RAB3A: variants seen among roughly 807,000 people sequenced by gnomAD.
RAB3A encodes RAB3A, member RAS oncogene family, also known as ras-related protein Rab-3A.
In RAB3A, 5 loss-of-function variants were observed where a neutral mutation model predicts 19.7. The observed-to-expected ratio is 0.25, with a 90% CI of 0.13 to 0.53. The LOEUF (loss-of-function observed/expected upper bound fraction) is 0.53, where lower values mean the gene tolerates loss of function less well. RAB3A is among the 20% of genes least tolerant of loss of function. RAB3A has a pLI of 0.95. For missense variants in RAB3A, 189 were observed against 305.6 expected (o/e 0.62, Z 2.85); for synonymous variants, 119 against 122.1 (o/e 0.97, Z 0.17).
At position 18,202,941 on chromosome 19, in the gene RAB3A, G is replaced by A. The variant is rs946247912; in HGVS notation, c.1-201C>T. 1.2e-5 allele frequency: 7 copies of A among 564,588 alleles called. No homozygotes were observed. The highest frequency in any genetic ancestry group is 3.1e-5 in the Admixed American group (1 of 32,180). 35.0% of individuals were successfully genotyped at this position (564,588 alleles called of 1,614,324 possible). On this transcript the variant is annotated intron_variant, in intron 1 of 4. Coordinates refer to ENST00000222256, the MANE Select transcript of RAB3A (RefSeq NM_002866.5). This position sits in a 1 kb window ranked among gnomAD's most constrained non-coding sequence, Gnocchi z 4.2. ...ACCTTGAAATCCTGGGCGTTTCAGAGGAGGGGCTCAGAGGGTTGCCGATGG... is the reference window on the plus strand; with the variant it reads ...ACCTTGAAATCCTGGGCGTTTCAGAAGAGGGGCTCAGAGGGTTGCCGATGG...
At chr19:18,198,941 G>A (rs1044820227) in intron 3 of RAB3A, 92 bp from the exon 4 acceptor site, 4 of 1,485,058 alleles carry the variant, frequency 2.7e-6, no homozygotes, top group East Asian at 2.3e-5. Flanking sequence ...CTTGTCCGAG[G>A]AAGAAAGACC....
rs1967541142 is a variant in RAB3A, at chr19:18,197,213, G to A, written c.*257C>T. On this transcript the variant is annotated 3_prime_UTR_variant, in exon 5 of 5. Transcript: ENST00000222256. The stretch of plus-strand genomic sequence containing the variant: ...CAGGAGGGTGAGCGGTGAGTTCACG[G>A]GGCCACGAGACACCACAGCTGAGTG... The A allele has an allele frequency of 2.2e-6, 1 of 455,738 alleles. No homozygotes were observed. Among genetic ancestry groups the A allele is most frequent in the Non-Finnish European group, 3.9e-6 (1 of 259,320 alleles). The allele number at this position is 455,738 out of a possible 1,614,324, so 28.2% of individuals were successfully genotyped here. A position where few individuals can be genotyped will look rare whatever the true frequency, so the allele number is the denominator to read the frequency against.
chr19:18,201,263 A>AGAAAGAAAGAAAGAAAGAAAGAAAGAAAG (rs1555819265), intron 2 of RAB3A, among the ~76,000 whole-genome samples: 10 of 121,778 alleles, frequency 8.2e-5, no homozygotes, highest in Admixed American at 8.0e-4. Context: ...AAAAAAAAAA[A>AGAAAGAAAGAAAGAAAGAAAGAAAGAAAG]AAAGAAAGAA....
chr19:18,200,316 G>A lies in RAB3A; in HGVS notation c.347+11C>T, dbSNP rs1289777949. The stretch of plus-strand genomic sequence containing the variant: ...GAAAAGAAAAAAAAAGAGCAAGTGG[G>A]GTACACTCACCAGTCCTGCACTGCA... On this transcript the variant is annotated intron_variant, in intron 3 of 4. Transcript: ENST00000222256. 1.9e-6 allele frequency: 3 copies of A among 1,577,220 alleles called. No individual in the cohort carries two copies. The highest frequency in any genetic ancestry group is 1.7e-6 in the Non-Finnish European group (2 of 1,156,964).
rs373731119 is a variant in RAB3A at position 18,197,411 on chromosome 19, C to T, written c.*59G>A. The T allele has an allele frequency of 1.2e-4, 188 of 1,551,814 alleles. 1 individual carries two copies. The highest frequency in any genetic ancestry group is 1.1e-4 in the Non-Finnish European group (120 of 1,141,088). ...TGGCTGGTAGGGGCCGGGTCAGGCC[C>T]GGGTAGTTGGGGGAAGGTGGGGAAG... is the stretch of plus-strand genomic sequence containing the variant. On this transcript the variant is annotated 3_prime_UTR_variant, in exon 5 of 5. Transcript: ENST00000222256.
rs893643737 is a variant in RAB3A at position 18,203,984 on chromosome 19, C to T, written c.-89G>A. The T allele has an allele frequency of 1.3e-5, 2 of 158,988 alleles. No individual in the cohort carries two copies. The highest frequency in any genetic ancestry group is 2.8e-5 in the Non-Finnish European group (2 of 72,318). The allele number at this position is 158,988 out of a possible 1,614,324, so 9.8% of individuals were successfully genotyped here. ...AGGACCCCGGTGCGTTGATGTGGGG[C>T]TGCGCGGCGGCGGCGGCAGCAGCGG... On this transcript the variant is annotated 5_prime_UTR_variant, in exon 1 of 5. Transcript: ENST00000222256.
rs889167945 is a variant in RAB3A, at chr19:18,202,190, G to A, written c.228+323C>T. ...CGAGGCTGCAGAGAGCCGTGATCAC[G>A]TAACTGCATTCCAGCCTAGGGGACA... On this transcript the variant is annotated intron_variant, in intron 2 of 4. Coordinates refer to ENST00000222256, the MANE Select transcript of RAB3A (RefSeq NM_002866.5). This position sits in a 1 kb window ranked among gnomAD's most constrained non-coding sequence, Gnocchi z 4.2. 3.9e-5 allele frequency: 11 copies of A among 282,980 alleles called. No individual in the cohort carries two copies. The highest frequency in any genetic ancestry group is 8.7e-5 in the East Asian group (1 of 11,526). The allele number at this position is 282,980 out of a possible 1,614,324, so 17.5% of individuals were successfully genotyped here. A position where few individuals can be genotyped will look rare whatever the true frequency, so the allele number is the denominator to read the frequency against.
chr19:18,201,391 G>A (rs181274986), intron 2 of RAB3A, among the ~76,000 whole-genome samples: 8 of 152,092 alleles, frequency 5.3e-5, no homozygotes, highest in Admixed American at 1.3e-4. Flanking sequence ...AGACTAGCCT[G>A]GCCAACATGG....
At chr19:18,203,700 G>A (rs1186163454) in intron 1 of RAB3A, among the ~76,000 whole-genome samples, 196 bp downstream of exon 1, 3 of 152,226 alleles carry the variant, frequency 2.0e-5, no homozygotes, top group African/African-American at 7.2e-5. Flanking sequence ...GAGCAGGGGG[G>A]TTGGGGGGGT....
At position 18,202,792 on chromosome 19, in the gene RAB3A, T is replaced by C; in HGVS notation, c.1-52A>G. 3 of 1,468,984 alleles carry C rather than the reference T, an allele frequency of 2.0e-6. No individual in the cohort carries two copies. The highest frequency in any genetic ancestry group is 2.8e-6 in the Non-Finnish European group (3 of 1,053,686). 91.0% of individuals were successfully genotyped at this position (1,468,984 alleles called of 1,614,324 possible). A position where few individuals can be genotyped will look rare whatever the true frequency, so the allele number is the denominator to read the frequency against. On this transcript the variant is annotated intron_variant, in intron 1 of 4. Coordinates refer to ENST00000222256, the MANE Select transcript of RAB3A (RefSeq NM_002866.5). The surrounding 1 kb of genome is among the most constrained non-coding windows in gnomAD (Gnocchi z 4.2). ...GTGAGGGGGGCTCTCTCCATCCTCA[T>C]GTGCCCAAGCCCAGGCAGAAGATGG...
At chr19:18,203,214 A>G (rs1289113157) in intron 1 of RAB3A, among the ~76,000 whole-genome samples, 1 of 152,200 alleles carries the variant, frequency 6.6e-6, no homozygotes, top group Non-Finnish European at 1.5e-5. Context: ...GCTGCATCAC[A>G]TGATACAGGA....
chr19:18,203,644 G>T lies in RAB3A; in HGVS notation c.-1+252C>A, dbSNP rs370768573. Reference sequence around the variant, plus strand: ...ACGCGCACGCAAAAGCCTCCCGCGCGCACAGCTTCCCGCAAGGAGCTCGGC... The same window carrying T: ...ACGCGCACGCAAAAGCCTCCCGCGCTCACAGCTTCCCGCAAGGAGCTCGGC... On this transcript the variant is annotated intron_variant, in intron 1 of 4. Transcript: ENST00000222256. Among the ~76,000 whole-genome samples the T allele has an allele frequency of 7.6e-3, 1,163 of 152,322 alleles. 40 individuals carry two copies. The highest frequency in any genetic ancestry group is 0.055 in the Admixed American group (838 of 15,302).
intron 3 of RAB3A, 47 bp downstream of exon 3, chr19:18,200,280 C>A: frequency 6.7e-7 from 1 of 1,491,132 alleles, no homozygotes; most frequent in Non-Finnish European, 9.2e-7. Flanking sequence ...AAAACCCTCT[C>A]TCAAAGAAAA....
In RAB3A at chr19:18,197,458, G is replaced by GT; in HGVS notation, c.*11dup. On this transcript the variant is annotated 3_prime_UTR_variant, in exon 5 of 5. Coordinates refer to ENST00000222256, the MANE Select transcript of RAB3A (RefSeq NM_002866.5). ...GAAGACAGGGAAGAGGGGAAAGGGAGTGGGATGGCTCTCAGCAGGCGCAGT... is the reference window on the plus strand; with the variant it reads ...GAAGACAGGGAAGAGGGGAAAGGGAGTTGGGATGGCTCTCAGCAGGCGCAGT... 6.2e-7 allele frequency: 1 copy of GT among 1,605,208 alleles called. No homozygotes were observed. The highest frequency in any genetic ancestry group is 8.5e-7 in the Non-Finnish European group (1 of 1,174,956).
chr19:18,197,969 C>T (rs1967555630), intron 4 of RAB3A, among the ~76,000 whole-genome samples: 1 of 149,252 alleles, frequency 6.7e-6, no homozygotes, highest in South Asian at 2.1e-4. Flanking sequence ...GTCTCGACCT[C>T]CTGGGCTCAA....
At position 18,198,575 on chromosome 19, in the gene RAB3A, G is replaced by A; in HGVS notation, c.472+150C>T. ...ATGGCAAACTCCTACACATCCCTCAGGATCCAACTCAAATGGCTCCTGGAT... is the reference window on the plus strand; with the variant it reads ...ATGGCAAACTCCTACACATCCCTCAAGATCCAACTCAAATGGCTCCTGGAT... On this transcript the variant is annotated intron_variant, in intron 4 of 4. Coordinates refer to ENST00000222256, the MANE Select transcript of RAB3A (RefSeq NM_002866.5). 6.3e-6 allele frequency: 6 copies of A among 953,194 alleles called. 1 individual carries two copies. In the South Asian group the frequency reaches 8.3e-5, roughly 13 times the overall value. The allele number at this position is 953,194 out of a possible 1,614,324, so 59.0% of individuals were successfully genotyped here. A position where few individuals can be genotyped will look rare whatever the true frequency, so the allele number is the denominator to read the frequency against.
At chr19:18,199,724 AT>A (rs1404207969) in intron 3 of RAB3A, among the ~76,000 whole-genome samples, 1 of 150,690 alleles carries the variant, frequency 6.6e-6, no homozygotes, top group Admixed American at 6.6e-5. Flanking sequence ...GGGTTTCTCC[AT>A]CTTGGTCAGG....
chr19:18,198,033 G>T (rs547977989), intron 4 of RAB3A, among the ~76,000 whole-genome samples: 1 of 151,880 alleles, frequency 6.6e-6, no homozygotes, highest in Non-Finnish European at 1.5e-5. Context: ...GTGAGCCAGC[G>T]CACCTGGCCT....
At chr19:18,200,230 C>A in intron 3 of RAB3A, 97 bp downstream of exon 3, 1 of 1,003,744 alleles carries the variant, frequency 1.0e-6, no homozygotes, top group Non-Finnish European at 1.5e-6. Context: ...CTGCAGTGAG[C>A]CCTGATCGTG....
Sources: allele counts gnomAD v4.1 joint callset (sites outside exome capture counted in the v4.1 genomes callset), GRCh38; gene constraint gnomAD v4.1.1; non-coding constraint Gnocchi (gnomAD v3.1); transcripts MANE v1.5; gene names NCBI Gene and HGNC (gene_info 2026-07-23, HGNC 2026-07-21).